TBC1D16: variants seen among roughly 807,000 people sequenced by gnomAD.
TBC1D16 encodes the protein CTD-2529O21.1.
In TBC1D16, 58 loss-of-function variants were observed where a neutral mutation model predicts 74.7. The observed-to-expected ratio is 0.78, with a 90% confidence interval of 0.63 to 0.97. The LOEUF (loss-of-function observed/expected upper bound fraction) is 0.97. Among genes scored for constraint, TBC1D16 ranks in the 50% least tolerant of loss-of-function variants. The pLI is 0.00. For synonymous variants in TBC1D16, 493 were observed against 474.7 expected, an observed-to-expected ratio of 1.04 and a Z score of -0.50; for missense variants, 1,014 against 1,079.5, an observed-to-expected ratio of 0.94 and a Z score of 0.85.
intron 10 of TBC1D16, chr17:79,943,955 C>A: frequency 6.7e-7 from 1 of 1,491,898 alleles, no homozygotes; most frequent in South Asian, 1.3e-5. Context: ...TTCGTTAATG[C>A]AGATCGTCCA....
intron 3 of TBC1D16, among the ~76,000 whole-genome samples, chr17:79,978,072 CCCAGG>C (rs1482211519): frequency 6.6e-6 from 1 of 152,234 alleles, no homozygotes; most frequent in Non-Finnish European, 1.5e-5. Flanking sequence ...ATTCTGCCAT[CCCAGG>C]CCTAGAACCT....
At position 80,002,083 on chromosome 17, in the gene TBC1D16, G is replaced by A. The variant is rs534236767; in HGVS notation, c.779+8077C>T. Among the ~76,000 whole-genome samples, 6 of 152,292 alleles carry A rather than the reference G, an allele frequency of 3.9e-5. No homozygotes were observed. The East Asian group carries it at 1.2e-3, about 29-fold the overall frequency. On this transcript the variant is annotated intron_variant, in intron 3 of 11. Coordinates refer to ENST00000310924, the MANE Select transcript of TBC1D16 (RefSeq NM_019020.4). ...CGGCAGGAAACGCAGAAGGGATCCGGAACGAGCAGAGCTTTGTGAGTCCAG... is the reference window on the plus strand; with the variant it reads ...CGGCAGGAAACGCAGAAGGGATCCGAAACGAGCAGAGCTTTGTGAGTCCAG...
In TBC1D16 at chr17:80,007,764, A is replaced by G. The variant is rs892206760; in HGVS notation, c.779+2396T>C. On this transcript the variant is annotated intron_variant, in intron 3 of 11. Coordinates refer to ENST00000310924, the MANE Select transcript of TBC1D16 (RefSeq NM_019020.4). The surrounding 1 kb of genome is among the most constrained non-coding windows in gnomAD (Gnocchi z 4.5). Reference sequence around the variant, plus strand: ...AAAGGCATGAGGCAGAGAGAGCCCCACAAGATCTAGAGGCAGAGAGGACGA... The same window carrying G: ...AAAGGCATGAGGCAGAGAGAGCCCCGCAAGATCTAGAGGCAGAGAGGACGA... 2.0e-5 allele frequency among the ~76,000 whole-genome samples: 3 copies of G among 152,284 alleles called. No homozygotes were observed. The highest frequency in any genetic ancestry group is 4.2e-4 in the South Asian group (2 of 4,818).
rs2033616401 is a variant in TBC1D16, at chr17:79,961,555, G to A, written c.780-8737C>T. Among the ~76,000 whole-genome samples, 1 of 152,196 alleles carries A rather than the reference G, an allele frequency of 6.6e-6. No individual in the cohort carries two copies. On this transcript the variant is annotated intron_variant, in intron 3 of 11. Transcript: ENST00000310924. The surrounding 1 kb of genome is among the most constrained non-coding windows in gnomAD (Gnocchi z 4.8). ...GACTTGCACATAAATGTGTGTAACA[G>A]CTTTATCTAAAATAGCTAAGAACTG...
chr17:80,020,358 C>T (rs1371807691), intron 1 of TBC1D16, among the ~76,000 whole-genome samples: 1 of 149,586 alleles, frequency 6.7e-6, no homozygotes, highest in Admixed American at 6.6e-5. Context: ...CTGAGGCGGG[C>T]GGATCACCTG....
At chr17:79,958,417 G>T (rs4889806) in intron 3 of TBC1D16, among the ~76,000 whole-genome samples, 1 of 151,636 alleles carries the variant, frequency 6.6e-6, no homozygotes, top group Non-Finnish European at 1.5e-5. Context: ...ATGGGGTTTC[G>T]CCATGTTGGC....
In TBC1D16 at chr17:79,952,828, C is replaced by A; in HGVS notation, c.780-10G>T. On this transcript the variant is annotated splice_polypyrimidine_tract_variant and intron_variant, in intron 3 of 11. Transcript: ENST00000310924. Reference sequence around the variant, plus strand: ...GGAGCTGGACGGGGGGCTGGTGGAACAGGTTATGTGATGATCGCCACACTT... The same window carrying A: ...GGAGCTGGACGGGGGGCTGGTGGAAAAGGTTATGTGATGATCGCCACACTT... The A allele has an allele frequency of 1.2e-6, 2 of 1,603,070 alleles. No individual in the cohort carries two copies. The highest frequency in any genetic ancestry group is 8.5e-7 in the Non-Finnish European group (1 of 1,174,286).
At chr17:79,999,755 G>A (rs1177306063) in intron 3 of TBC1D16, among the ~76,000 whole-genome samples, 1 of 151,912 alleles carries the variant, frequency 6.6e-6, no homozygotes, top group Non-Finnish European at 1.5e-5. Context: ...TGTTGGCCAG[G>A]CTGGTCTCGA....
intron 8 of TBC1D16, among the ~76,000 whole-genome samples, chr17:79,948,296 GA>G (rs2032734628): frequency 7.1e-6 from 1 of 141,220 alleles, no homozygotes; most frequent in Non-Finnish European, 1.5e-5. Flanking sequence ...CTGGATGACA[GA>G]GCGAGACTCC....
chr17:79,940,993 C>A lies in TBC1D16; in HGVS notation c.2170G>T (p.Glu724Ter). The A allele has an allele frequency of 6.2e-7, 1 of 1,608,198 alleles. No homozygotes were observed. Among genetic ancestry groups the A allele is most frequent in the Non-Finnish European group, 8.5e-7 (1 of 1,178,128 alleles). ...GAGCCGGGATGGTGGCCGGTGCACTCCACCGCGGGCATGGAGCCGCTGTCC... is the reference window on the plus strand; with the variant it reads ...GAGCCGGGATGGTGGCCGGTGCACTACACCGCGGGCATGGAGCCGCTGTCC... ...MWDSGSMPAV[E>*]CTGHHPGSES... is the part of the protein sequence containing the mutation. The change falls in exon 12 of 12, where the codon GAG becomes TAG. Residue 724 changes from glutamate to a stop codon, truncating the protein, a stop_gained. Coordinates refer to ENST00000310924, the MANE Select transcript of TBC1D16 (RefSeq NM_019020.4). LOFTEE classifies it high-confidence loss of function. The surrounding 1 kb of genome is among the most constrained non-coding windows in gnomAD (Gnocchi z 5.4).
Position 79,958,461 on chromosome 17 carries a change from G to A in TBC1D16, c.780-5643C>T, listed in dbSNP as rs188475306. Among the ~76,000 whole-genome samples, 76 of 152,168 alleles carry A rather than the reference G, an allele frequency of 5.0e-4. 1 individual carries two copies. The highest frequency in any genetic ancestry group is 1.7e-3 in the African/African-American group (72 of 41,508). On this transcript the variant is annotated intron_variant, in intron 3 of 11. Coordinates refer to ENST00000310924, the MANE Select transcript of TBC1D16 (RefSeq NM_019020.4). ...TCTGGAACTCCTGACCTCGTGATCCGCCTGCCTCAGTCTCCCAAAGTGCTG... is the reference window on the plus strand; with the variant it reads ...TCTGGAACTCCTGACCTCGTGATCCACCTGCCTCAGTCTCCCAAAGTGCTG...
At chr17:79,974,117 C>A (rs2034232316) in intron 3 of TBC1D16, among the ~76,000 whole-genome samples, 1 of 152,206 alleles carries the variant, frequency 6.6e-6, no homozygotes, top group Non-Finnish European at 1.5e-5. Context: ...CCTAGGGCAG[C>A]CGATCTGATC....
At position 79,940,804 on chromosome 17, in the gene TBC1D16, G is replaced by T; in HGVS notation, c.*55C>A. 4 of 1,456,432 alleles carry T rather than the reference G, an allele frequency of 2.7e-6. No homozygotes were observed. The South Asian group carries it at 5.9e-5, about 22-fold the overall frequency. 90.2% of individuals were successfully genotyped at this position (1,456,432 alleles called of 1,614,324 possible). ...CACGCCCAGCCCCACCCCCTCCCGT[G>T]CCCAGGGCCTCTGAGGAGGTCCCCT... is the stretch of plus-strand genomic sequence containing the variant. On this transcript the variant is annotated 3_prime_UTR_variant, in exon 12 of 12. Coordinates refer to ENST00000310924, the MANE Select transcript of TBC1D16 (RefSeq NM_019020.4). This position sits in a 1 kb window ranked among gnomAD's most constrained non-coding sequence, Gnocchi z 5.4.
intron 1 of TBC1D16, among the ~76,000 whole-genome samples, chr17:80,015,481 G>A (rs1288279999): frequency 2.0e-5 from 3 of 151,986 alleles, no homozygotes; most frequent in Non-Finnish European, 4.4e-5. Flanking sequence ...ACAGAGCCAC[G>A]CTGCATCCTG....
intron 10 of TBC1D16, among the ~76,000 whole-genome samples, chr17:79,943,382 C>T (rs2032201911): frequency 1.3e-5 from 2 of 152,206 alleles, no homozygotes; most frequent in Admixed American, 1.3e-4. Flanking sequence ...GCCTGCACAG[C>T]ATAGGCAGAT....
chr17:79,941,990 T>G lies in TBC1D16; in HGVS notation c.2055+70A>C, dbSNP rs1424581160. 11 of 1,368,706 alleles carry G rather than the reference T, an allele frequency of 8.0e-6. No individual in the cohort carries two copies. Among genetic ancestry groups the G allele is most frequent in the South Asian group, 1.3e-5 (1 of 76,206 alleles). The allele number at this position is 1,368,706 out of a possible 1,614,324, so 84.8% of individuals were successfully genotyped here. ...CACATCTGGGGCAGCCTCACCTTTC[T>G]GAGAACGAGCTGGTGGGGTGGGGCT... On this transcript the variant is annotated intron_variant, in intron 11 of 11. Transcript: ENST00000310924. This position sits in a 1 kb window ranked among gnomAD's most constrained non-coding sequence, Gnocchi z 4.3.
chr17:80,021,861 C>G, intron 1 of TBC1D16, among the ~76,000 whole-genome samples: 1 of 150,356 alleles, frequency 6.7e-6, no homozygotes, highest in South Asian at 2.1e-4. Context: ...GGCACACACA[C>G]TATGACACAC....
At chr17:80,028,876 C>T (rs958554781) in intron 1 of TBC1D16, among the ~76,000 whole-genome samples, 2 of 152,046 alleles carry the variant, frequency 1.3e-5, no homozygotes, top group Admixed American at 6.5e-5. Flanking sequence ...CCTCCCAAAG[C>T]GCCGGGATTA....
chr17:79,972,858 G>A (rs975816990), intron 3 of TBC1D16, among the ~76,000 whole-genome samples: 23 of 151,918 alleles, frequency 1.5e-4, no homozygotes, highest in Admixed American at 7.9e-4. Flanking sequence ...GGCAGGAGTG[G>A]ATCGCCTGAG....
Sources: allele counts gnomAD v4.1 joint callset (sites outside exome capture counted in the v4.1 genomes callset), GRCh38; gene constraint gnomAD v4.1.1; non-coding constraint Gnocchi (gnomAD v3.1); transcripts MANE v1.5; gene names NCBI Gene and HGNC (gene_info 2026-07-23, HGNC 2026-07-21).